The following SVOP variants were observed in gnomAD, a reference collection of about 807,000 sequenced individuals.
The protein encoded by SVOP is synaptic vesicle 2-related protein.
Under a neutral mutation model 69.1 loss-of-function variants are expected in SVOP, and 17 were observed. That is an observed-to-expected ratio of 0.25 (90% CI 0.17 to 0.37). SVOP has a LOEUF of 0.37. Among genes scored for constraint, SVOP ranks in the 10% least tolerant of loss-of-function variants. SVOP has a pLI of 1.00. For missense variants in SVOP, 435 were observed against 597.5 expected (o/e 0.73, Z 2.84); for synonymous variants, 238 against 238.6 (o/e 1.00, Z 0.02).
intron 6 of SVOP, among the ~76,000 whole-genome samples, chr12:108,951,777 C>T (rs2039955348): frequency 6.6e-6 from 1 of 152,200 alleles, no homozygotes; most frequent in East Asian, 1.9e-4. Context: ...CCAGACACAC[C>T]TGGATTTGAA....
intron 2 of SVOP, 146 bp downstream of exon 2, chr12:108,983,455 T>C: frequency 2.5e-6 from 1 of 397,710 alleles, no homozygotes; most frequent in East Asian, 3.6e-5. Context: ...GTAAGCTATG[T>C]AGGCTCAGCT....
chr12:108,952,230 CTTTTTTTTTTT>C (rs36191772), intron 6 of SVOP, among the ~76,000 whole-genome samples: 1 of 98,360 alleles, frequency 1.0e-5, no homozygotes, highest in South Asian at 4.3e-4. Flanking sequence ...TTTCTTTTCT[CTTTTTTTTTTT>C]TTTTTTTTTT....
At chr12:108,983,519 C>T in intron 2 of SVOP, 82 bp downstream of exon 2, 1 of 398,636 alleles carries the variant, frequency 2.5e-6, no homozygotes, top group Non-Finnish European at 4.4e-6. Flanking sequence ...TGCCCCTTCA[C>T]ATTACCCCTC....
rs965801211 is a variant in SVOP, at chr12:108,972,348, A to G, written c.453+57T>C. On this transcript the variant is annotated intron_variant, in intron 5 of 15. Coordinates refer to ENST00000610966, the MANE Select transcript of SVOP (RefSeq NM_018711.5). ...TGCAGAACGGGTTTGCTACTTGTCC[A>G]GACCATCACCAAGACAACCCAGAGG... 15 of 1,511,494 alleles carry G rather than the reference A, an allele frequency of 9.9e-6. No homozygotes were observed. The African/African-American group carries it at 2.1e-4, about 21-fold the overall frequency. 93.6% of individuals were successfully genotyped at this position (1,511,494 alleles called of 1,614,324 possible).
intron 14 of SVOP, among the ~76,000 whole-genome samples, chr12:108,917,566 A>ATCT (rs1555248079): frequency 6.6e-6 from 1 of 151,620 alleles, no homozygotes; most frequent in Non-Finnish European, 1.5e-5. Context: ...CATATCATAC[A>ATCT]TATTCTGCAA....
chr12:108,922,840 G>T, intron 11 of SVOP, 43 bp from the exon 12 acceptor site: 2 of 1,397,634 alleles, frequency 1.4e-6, no homozygotes, highest in Non-Finnish European at 2.0e-6. Context: ...CATATACAGA[G>T]TCTTGAATCA....
At position 108,918,025 on chromosome 12, in the gene SVOP, C is replaced by G; in HGVS notation, c.1350+18G>C. On this transcript the variant is annotated intron_variant, in intron 14 of 15. Transcript: ENST00000610966. ...CCCCACTGCCCGTTCCCCAGCAGCT[C>G]CCAGACACCCCTCCTACCTCAGGTG... 1 of 1,553,544 alleles carries G rather than the reference C, an allele frequency of 6.4e-7. No individual in the cohort carries two copies. Among genetic ancestry groups the G allele is most frequent in the Non-Finnish European group, 8.7e-7 (1 of 1,149,416 alleles).
At chr12:108,974,599 CGT>C (rs1464276118) in intron 4 of SVOP, among the ~76,000 whole-genome samples, 1 of 151,846 alleles carries the variant, frequency 6.6e-6, no homozygotes, top group Non-Finnish European at 1.5e-5. Flanking sequence ...GGCATGGTGG[CGT>C]GTGTCTTTGG....
At chr12:108,928,494 G>A (rs1011635002) in intron 11 of SVOP, among the ~76,000 whole-genome samples, 4 of 151,844 alleles carry the variant, frequency 2.6e-5, no homozygotes, top group African/African-American at 9.7e-5. Context: ...GAAACAGCAT[G>A]TGGAGAAGGG....
intron 11 of SVOP, among the ~76,000 whole-genome samples, chr12:108,928,690 C>A (rs2039797110): frequency 1.3e-5 from 2 of 152,056 alleles, no homozygotes; most frequent in South Asian, 4.2e-4. Flanking sequence ...GTTCAGCCTC[C>A]CAAGTAGCTG....
chr12:108,958,561 A>G (rs559325788), intron 6 of SVOP, among the ~76,000 whole-genome samples: 1 of 152,112 alleles, frequency 6.6e-6, no homozygotes, highest in Admixed American at 6.5e-5. Context: ...CATTTTTGGA[A>G]CACATCCCCA....
At chr12:108,919,871 C>T in intron 12 of SVOP, 85 bp from the exon 13 acceptor site, 1 of 918,102 alleles carries the variant, frequency 1.1e-6, no homozygotes, top group African/African-American at 1.6e-5. Flanking sequence ...GTATCATCCC[C>T]TCCCCTGGAG....
intron 6 of SVOP, among the ~76,000 whole-genome samples, chr12:108,960,022 C>A (rs146739533): frequency 1.5e-3 from 221 of 152,310 alleles, no homozygotes; most frequent in African/African-American, 5.1e-3. Context: ...TAAAGGAGAT[C>A]ATCTGGGTAA....
chr12:108,914,879 A>T (rs1391306013), intron 15 of SVOP, among the ~76,000 whole-genome samples: 1 of 151,406 alleles, frequency 6.6e-6, no homozygotes. Flanking sequence ...TTGTTAAAAA[A>T]AAAAAAATTT....
At chr12:108,953,862 A>G (rs2039970292) in intron 6 of SVOP, among the ~76,000 whole-genome samples, 1 of 152,140 alleles carries the variant, frequency 6.6e-6, no homozygotes, top group East Asian at 1.9e-4. Context: ...CTGTAATCCC[A>G]GCACTTTGGG....
chr12:108,978,555 C>T (rs774985310), intron 3 of SVOP, 23 bp downstream of exon 3: 88 of 702,384 alleles, frequency 1.3e-4, no homozygotes, highest in Non-Finnish European at 2.2e-4. Flanking sequence ...GAGGCTGAGC[C>T]ACTGCCCCCC....
rs1473090302 is a variant in SVOP at position 108,977,585 on chromosome 12, T to G, written c.283-89A>C. ...AGTCCATAACCCCAGAGACAGAGAC[T>G]GTAGCACACCCCTCTCTACCCATTG... On this transcript the variant is annotated intron_variant, in intron 3 of 15. Transcript: ENST00000610966. 3 of 808,686 alleles carry G rather than the reference T, an allele frequency of 3.7e-6. No homozygotes were observed. In the East Asian group the frequency reaches 8.1e-5, roughly 22 times the overall value. The allele number at this position is 808,686 out of a possible 1,614,324, so 50.1% of individuals were successfully genotyped here.
chr12:108,978,442 T>G, intron 3 of SVOP, 136 bp downstream of exon 3: 2 of 583,112 alleles, frequency 3.4e-6, no homozygotes, highest in Non-Finnish European at 6.1e-6. Context: ...TTACGCCACA[T>G]AAATTTTGTT....
intron 11 of SVOP, among the ~76,000 whole-genome samples, chr12:108,928,467 A>C (rs2039795469): frequency 6.6e-6 from 1 of 152,028 alleles, no homozygotes; most frequent in Non-Finnish European, 1.5e-5. Flanking sequence ...TGAATATTTT[A>C]AGTCAAAATA....
Sources: gnomAD v4.1 joint callset for allele counts (sites outside exome capture counted in the v4.1 genomes callset) on GRCh38, gnomAD v4.1.1 for gene constraint, MANE v1.5 for transcripts, NCBI Gene and HGNC (gene_info 2026-07-23, HGNC 2026-07-21) for gene names.